The following WDR83 variants were observed in gnomAD, a reference collection of about 807,000 sequenced individuals.
WDR83 encodes WD repeat domain 83, also known as WD repeat domain-containing protein 83.
A neutral mutation model predicts 37.7 loss-of-function variants in WDR83; 37 were observed. The ratio of observed to expected loss-of-function variants is 0.98; its 90% confidence interval spans 0.76 to 1.29. The LOEUF is 1.29. Ranked by LOEUF, WDR83 falls within the 50% of genes most tolerant of loss-of-function variation. The pLI, the probability that WDR83 is intolerant of heterozygous loss-of-function variation, is 0.00. For synonymous variants in WDR83, 174 were observed against 181.1 expected (o/e 0.96, Z 0.31); for missense variants, 445 against 414.4 (o/e 1.07, Z -0.64).
At chr19:12,673,902 G>T (rs1046497297) in intron 10 of WDR83, among the ~76,000 whole-genome samples, 1 of 152,128 alleles carries the variant, frequency 6.6e-6, no homozygotes, top group Non-Finnish European at 1.5e-5. Flanking sequence ...GTTTCACCAT[G>T]TTGGCCAGGC....
Position 12,670,362 on chromosome 19 carries a change from C to T in WDR83, c.330+77C>T, listed in dbSNP as rs976498540. 10 of 1,542,182 alleles carry T rather than the reference C, an allele frequency of 6.5e-6. No individual in the cohort carries two copies. In the South Asian group the frequency reaches 8.3e-5, roughly 13 times the overall value. On this transcript the variant is annotated intron_variant, in intron 5 of 10. Coordinates refer to ENST00000418543, the MANE Select transcript of WDR83 (RefSeq NM_001099737.3). ...GCATAGGTGGTGACACGGCCACCCC[C>T]ATTACACCGTAAGGATCCCTTCCCC...
rs144664563 is a variant in WDR83 at position 12,673,268 on chromosome 19, G to T, written c.750G>T (p.Val250=). 6.2e-7 allele frequency: 1 copy of T among 1,613,934 alleles called. No homozygotes were observed. Among genetic ancestry groups the T allele is most frequent in the Non-Finnish European group, 8.5e-7 (1 of 1,180,016 alleles). ...DCCLSERDTH[V]VSCSEDGKVF... is the part of the protein sequence containing the mutation. ...GCCTGAGCGAGCGTGACACACATGT[G>T]GTCAGCTGTTCTGAGGACGGGAAGG... Residue 250 remains valine, a synonymous_variant, in exon 10 of 11, where the codon GTG becomes GTT. Transcript: ENST00000418543.
rs1418999756 is a variant in WDR83 at position 12,670,253 on chromosome 19, C to T, written c.298C>T (p.Gln100Ter). Residue 100 changes from glutamine to a stop codon, truncating the protein, a stop_gained, in exon 5 of 11, where the codon CAG becomes TAG. Transcript: ENST00000418543. LOFTEE classifies it high-confidence loss of function. ...AVVLWDVASG[Q>*]VVRKFRGHAG... ...GGTTCTGTGGGATGTGGCATCAGGG[C>T]AGGTCGTGCGCAAATTCCGGGGCCA... 1.2e-6 allele frequency: 2 copies of T among 1,614,130 alleles called. No homozygotes were observed. The highest frequency in any genetic ancestry group is 1.7e-6 in the Non-Finnish European group (2 of 1,180,010).
At chr19:12,672,958 G>A (rs1302903202) in intron 8 of WDR83, 44 bp downstream of exon 8, 1 of 1,595,256 alleles carries the variant, frequency 6.3e-7, no homozygotes, top group South Asian at 1.1e-5. Flanking sequence ...AAGATGGGGG[G>A]CCAACCAGGG....
chr19:12,669,433 C>T (rs183028428), intron 2 of WDR83: 64 of 1,578,508 alleles, frequency 4.1e-5, no homozygotes, highest in Admixed American at 2.7e-4. Context: ...CACGCCTCTT[C>T]CGCTGCAGGA....
chr19:12,668,620 A>G lies in WDR83; in HGVS notation c.-44A>G, dbSNP rs546006414. 19 of 1,613,680 alleles carry G rather than the reference A, an allele frequency of 1.2e-5. No individual in the cohort carries two copies. The highest frequency in any genetic ancestry group is 3.3e-4 in the Middle Eastern group (2 of 6,028). The stretch of plus-strand genomic sequence containing the variant: ...GCGACCCAAGCACACCACTTCAGCT[A>G]GGGAAAGGTAAGTGGGTGGGCAGGT... On this transcript the variant is annotated 5_prime_UTR_variant, in exon 2 of 11. Transcript: ENST00000418543.
chr19:12,670,558 C>A lies in WDR83; in HGVS notation c.331-5C>A, dbSNP rs763166076. On this transcript the variant is annotated splice_region_variant and splice_polypyrimidine_tract_variant and intron_variant, in intron 5 of 10. Transcript: ENST00000418543. ...GCCTCCTCTGAGTGGCAATAACTTT[C>A]TCAGAAGGTGAACACGGTGCAGTTT... 1.2e-6 allele frequency: 2 copies of A among 1,614,238 alleles called. No individual in the cohort carries two copies. Among genetic ancestry groups the A allele is most frequent in the Non-Finnish European group, 1.7e-6 (2 of 1,180,038 alleles).
intron 5 of WDR83, 47 bp downstream of exon 5, chr19:12,670,332 T>C: frequency 6.3e-7 from 1 of 1,595,090 alleles, no homozygotes; most frequent in Non-Finnish European, 8.6e-7. Context: ...GGGACCCGTA[T>C]TAGCGCATAG....
chr19:12,674,381 G>A (rs751843359), intron 10 of WDR83, among the ~76,000 whole-genome samples: 18 of 152,118 alleles, frequency 1.2e-4, no homozygotes, highest in African/African-American at 3.9e-4. Context: ...GGGGAATCTC[G>A]GCAAAGGAGA....
chr19:12,672,686 G>A, intron 7 of WDR83, 161 bp from the exon 8 acceptor site: 2 of 684,378 alleles, frequency 2.9e-6, no homozygotes, highest in Non-Finnish European at 5.1e-6. Flanking sequence ...AAATGATGGA[G>A]TAGGACGTAA....
chr19:12,670,394 C>T, intron 5 of WDR83, 109 bp downstream of exon 5: 2 of 1,496,196 alleles, frequency 1.3e-6, no homozygotes, highest in Admixed American at 1.8e-5. Flanking sequence ...CCCCAGATGA[C>T]GATCCCCCAC....
At position 12,672,870 on chromosome 19, in the gene WDR83, G is replaced by A. The variant is rs558095190; in HGVS notation, c.530G>A (p.Arg177His). The change falls in exon 8 of 11, where the codon CGC (arginine) becomes CAC (histidine). Residue 177 changes from arginine (R) to histidine (H), a missense_variant. Physicochemically the swap from Arg to His is conservative, Grantham distance 29. Coordinates refer to ENST00000418543, the MANE Select transcript of WDR83 (RefSeq NM_001099737.3). ...LAGSVDGRVR[R>H]YDLRMGQLFS... ...AGCTCCGTGGATGGCCGCGTGAGAC[G>A]CTATGACCTAAGGATGGGGCAGCTC... is the stretch of plus-strand genomic sequence containing the variant. 8 of 1,592,342 alleles carry A rather than the reference G, an allele frequency of 5.0e-6. No individual in the cohort carries two copies. The Admixed American group carries it at 5.3e-5, about 11-fold the overall frequency.
chr19:12,671,764 C>T (rs2024426330), intron 7 of WDR83, among the ~76,000 whole-genome samples: 1 of 152,180 alleles, frequency 6.6e-6, no homozygotes, highest in African/African-American at 2.4e-5. Context: ...GTGACGTGAT[C>T]TCGGCTCACT....
At chr19:12,674,161 G>A (rs1208747306) in intron 10 of WDR83, among the ~76,000 whole-genome samples, 2 of 152,218 alleles carry the variant, frequency 1.3e-5, no homozygotes, top group East Asian at 3.9e-4. Context: ...ATGCCAGGCC[G>A]AGCAACTGGC....
Position 12,673,276 on chromosome 19 carries a change from G to C in WDR83, c.758G>C (p.Cys253Ser), listed in dbSNP as rs748948108. 5.6e-6 allele frequency: 9 copies of C among 1,614,080 alleles called. No individual in the cohort carries two copies. The highest frequency in any genetic ancestry group is 7.6e-6 in the Non-Finnish European group (9 of 1,180,020). Residue 253 changes from cysteine to serine, a missense_variant, in exon 10 of 11, where the codon TGT (cysteine) becomes TCT (serine). Coordinates refer to ENST00000418543, the MANE Select transcript of WDR83 (RefSeq NM_001099737.3). Reference protein sequence around the residue: ...LSERDTHVVSCSEDGKVFFWD... With the variant: ...LSERDTHVVSSSEDGKVFFWD... Reference sequence around the variant, plus strand: ...GAGCGTGACACACATGTGGTCAGCTGTTCTGAGGACGGGAAGGTGTTCTTC... The same window carrying C: ...GAGCGTGACACACATGTGGTCAGCTCTTCTGAGGACGGGAAGGTGTTCTTC...
intron 2 of WDR83, chr19:12,669,175 T>A (rs762195782): frequency 6.2e-7 from 1 of 1,614,166 alleles, no homozygotes; most frequent in Middle Eastern, 1.6e-4. Flanking sequence ...AGCAGGTTCA[T>A]GTAGTCCGGC....
At chr19:12,671,187 G>A in intron 7 of WDR83, 1 of 206,734 alleles carries the variant, frequency 4.8e-6, no homozygotes, top group Non-Finnish European at 1.0e-5. Context: ...AATTAGCCAG[G>A]TGTGGTGACG....
At chr19:12,672,674 G>A in intron 7 of WDR83, 173 bp from the exon 8 acceptor site, 1 of 648,990 alleles carries the variant, frequency 1.5e-6, no homozygotes, top group Non-Finnish European at 2.7e-6. Context: ...TGTGGGTCTT[G>A]GAAATGATGG....
intron 10 of WDR83, among the ~76,000 whole-genome samples, chr19:12,674,079 G>C (rs930933024): frequency 1.1e-4 from 16 of 152,346 alleles, no homozygotes; most frequent in East Asian, 1.9e-4. Context: ...GCCTGCGCAT[G>C]CATCAGTCAG....
Sources: gnomAD v4.1 joint callset for allele counts (sites outside exome capture counted in the v4.1 genomes callset) on GRCh38, gnomAD v4.1.1 for gene constraint, MANE v1.5 for transcripts, NCBI Gene and HGNC (gene_info 2026-07-23, HGNC 2026-07-21) for gene names.